The following QDPR variants were observed in gnomAD, a reference collection of about 807,000 sequenced individuals.
The protein encoded by QDPR is dihydropteridine reductase.
In QDPR, 23 loss-of-function variants were observed where a neutral mutation model predicts 31.7. The ratio of observed to expected loss-of-function variants is 0.73; its 90% CI spans 0.52 to 1.03. QDPR has a LOEUF of 1.03. Ranked by LOEUF, QDPR falls within the 50% of genes least tolerant of loss-of-function variation. The pLI is 0.00. For missense variants in QDPR, 324 were observed against 323.8 expected, an observed-to-expected ratio of 1.00 and a Z score of 0.00; for synonymous variants, 124 against 124.7, an observed-to-expected ratio of 0.99 and a Z score of 0.03.
At chr4:17,502,083 C>T (rs534719384) in intron 3 of QDPR, among the ~76,000 whole-genome samples, 3 of 152,174 alleles carry the variant, frequency 2.0e-5, no homozygotes, top group Non-Finnish European at 4.4e-5. Flanking sequence ...TATACACTGG[C>T]AAAATGTTGG....
At chr4:17,492,902 G>T (rs1019277133) in intron 4 of QDPR, among the ~76,000 whole-genome samples, 1 of 152,124 alleles carries the variant, frequency 6.6e-6, no homozygotes, top group Non-Finnish European at 1.5e-5. Context: ...AAATGCTTGT[G>T]AGCACCTGGC....
intron 5 of QDPR, among the ~76,000 whole-genome samples, chr4:17,491,679 G>C (rs73234954): frequency 0.22 from 33,536 of 152,132 alleles, 4,326 homozygotes; most frequent in Non-Finnish European, 0.29. Flanking sequence ...AGGCAAAAAA[G>C]ACAGACCCAT....
intron 5 of QDPR, among the ~76,000 whole-genome samples, chr4:17,491,239 A>T (rs1297119098): frequency 6.6e-6 from 1 of 152,256 alleles, no homozygotes; most frequent in Admixed American, 6.5e-5. Context: ...GATATGCATG[A>T]ATCTCCCAAG....
At chr4:17,488,133 T>C (rs1718033023) in intron 6 of QDPR, among the ~76,000 whole-genome samples, 1 of 151,992 alleles carries the variant, frequency 6.6e-6, no homozygotes, top group Admixed American at 6.5e-5. Flanking sequence ...GCATGGCACA[T>C]GCCTGTAGTC....
chr4:17,499,300 A>G (rs1454624613), intron 4 of QDPR, among the ~76,000 whole-genome samples: 1 of 152,232 alleles, frequency 6.6e-6, no homozygotes, highest in Non-Finnish European at 1.5e-5. Context: ...ACCACTACCC[A>G]AAATGTAATC....
Position 17,487,120 on chromosome 4 carries a change from T to G in QDPR, c.*11A>C. On this transcript the variant is annotated 3_prime_UTR_variant, in exon 7 of 7. Coordinates refer to ENST00000281243, the MANE Select transcript of QDPR (RefSeq NM_000320.3). Reference sequence around the variant, plus strand: ...TTTCTGGCAGGCCCCTCATAGGCACTGAGATGAGGCCTAAAAATATGCTGG... The same window carrying G: ...TTTCTGGCAGGCCCCTCATAGGCACGGAGATGAGGCCTAAAAATATGCTGG... 1.2e-6 allele frequency: 2 copies of G among 1,605,412 alleles called. No homozygotes were observed. Among genetic ancestry groups the G allele is most frequent in the Non-Finnish European group, 1.7e-6 (2 of 1,172,304 alleles).
rs183275858 is a variant in QDPR at position 17,506,866 on chromosome 4, T to A, written c.199-2391A>T. On this transcript the variant is annotated intron_variant, in intron 2 of 6. Transcript: ENST00000281243. ...TTTTACATTCCAATCTATGTCAAAC[T>A]GACACTTTAGAAAGAGCAAATGAGT... is the stretch of plus-strand genomic sequence containing the variant. 1.6e-3 allele frequency among the ~76,000 whole-genome samples: 251 copies of A among 152,334 alleles called. 2 individuals are homozygous for A. The highest frequency in any genetic ancestry group is 3.0e-3 in the Non-Finnish European group (203 of 68,030).
At chr4:17,508,631 T>C (rs1358147828) in intron 2 of QDPR, among the ~76,000 whole-genome samples, 1 of 96,822 alleles carries the variant, frequency 1.0e-5, no homozygotes, top group African/African-American at 4.5e-5. Context: ...ATTATTTAAG[T>C]ATAAAAAAAA....
At position 17,490,667 on chromosome 4, in the gene QDPR, T is replaced by A; in HGVS notation, c.624A>T (p.Leu208=). The change falls in exon 6 of 7, where the codon CTA becomes CTT. Residue 208 remains leucine (L), a synonymous_variant. Coordinates refer to ENST00000281243, the MANE Select transcript of QDPR (RefSeq NM_000320.3). ...DFSSWTPLEF[L]VETFHDWITG... ...GACATGTCTGTAATACTCACTCAACTAGGAATTCTAAGGGTGTCCAGGAGC... is the reference window on the plus strand; with the variant it reads ...GACATGTCTGTAATACTCACTCAACAAGGAATTCTAAGGGTGTCCAGGAGC... 2 of 1,612,626 alleles carry A rather than the reference T, an allele frequency of 1.2e-6. No homozygotes were observed. Among genetic ancestry groups the A allele is most frequent in the Non-Finnish European group, 1.7e-6 (2 of 1,178,662 alleles).
chr4:17,492,561 T>C (rs1718207646), intron 4 of QDPR: 1 of 580,390 alleles, frequency 1.7e-6, no homozygotes, highest in Non-Finnish European at 3.1e-6. Context: ...TTATGGCCTC[T>C]GGCCAGTTTC....
chr4:17,509,201 G>T, intron 2 of QDPR, 70 bp downstream of exon 2: 1 of 1,170,736 alleles, frequency 8.5e-7, no homozygotes, highest in Non-Finnish European at 1.3e-6. Flanking sequence ...GCCAAAGGAA[G>T]AACATACAGC....
chr4:17,504,119 G>GCA (rs1232881252), intron 3 of QDPR, among the ~76,000 whole-genome samples: 2 of 152,112 alleles, frequency 1.3e-5, no homozygotes, highest in Non-Finnish European at 2.9e-5. Flanking sequence ...ATGGCCTGGG[G>GCA]CACAGGCCAT....
At chr4:17,488,174 T>C (rs976768946) in intron 6 of QDPR, among the ~76,000 whole-genome samples, 1 of 151,982 alleles carries the variant, frequency 6.6e-6, no homozygotes, top group Admixed American at 6.6e-5. Flanking sequence ...GGTGGGATGA[T>C]TGCTTGAGCC....
intron 4 of QDPR, among the ~76,000 whole-genome samples, chr4:17,499,793 G>C (rs28449900): frequency 0.036 from 5,534 of 152,188 alleles, 350 homozygotes; most frequent in African/African-American, 0.13. Context: ...GGCAGTGTGT[G>C]TCTGCAGTCC....
Position 17,492,236 on chromosome 4 carries a change from G to A in QDPR, c.541C>T (p.Leu181Phe). The A allele has an allele frequency of 6.2e-7, 1 of 1,613,666 alleles. No individual in the cohort carries two copies. ...MPPGAAAIAV[L>F]PVTLDTPMNR... ...CAGGGAACCCCAAGCACTTACGGGA[G>A]CACAGCGATGGCGGCTGCCCCGGGC... is the stretch of plus-strand genomic sequence containing the variant. Residue 181 changes from leucine to phenylalanine, a missense_variant, in exon 5 of 7, where the codon CTC becomes TTC. By Grantham distance (22) the Leu-to-Phe change is conservative. Coordinates refer to ENST00000281243, the MANE Select transcript of QDPR (RefSeq NM_000320.3).
At chr4:17,501,502 G>A (rs576476364) in intron 4 of QDPR, among the ~76,000 whole-genome samples, 131 of 152,010 alleles carry the variant, frequency 8.6e-4, no homozygotes, top group Middle Eastern at 3.4e-3. Context: ...AGATCATAGC[G>A]TTCCTTACCA....
chr4:17,487,322 TG>T, intron 6 of QDPR, 86 bp from the exon 7 acceptor site: 8 of 646,390 alleles, frequency 1.2e-5, no homozygotes, highest in Non-Finnish European at 1.3e-5. Flanking sequence ...GCTTGTGGGG[TG>T]GGGGGAAGGG....
intron 2 of QDPR, among the ~76,000 whole-genome samples, chr4:17,506,205 T>C (rs1047138772): frequency 3.3e-5 from 5 of 152,088 alleles, no homozygotes; most frequent in African/African-American, 9.7e-5. Context: ...TCTCGGCTCA[T>C]TGCAACCTCT....
At chr4:17,496,442 C>CAAAAAAAAAAAAAAAAAAAAAAAAAAAA (rs747311750) in intron 4 of QDPR, among the ~76,000 whole-genome samples, 2 of 64,608 alleles carry the variant, frequency 3.1e-5, no homozygotes, top group South Asian at 9.3e-4. Context: ...AAAACTGTCT[C>CAAAAAAAAAAAAAAAAAAAAAAAAAAAA]AAAAAAAAAA....
Sources: allele counts gnomAD v4.1 joint callset (sites outside exome capture counted in the v4.1 genomes callset), GRCh38; gene constraint gnomAD v4.1.1; transcripts MANE v1.5; gene names NCBI Gene and HGNC (gene_info 2026-07-23, HGNC 2026-07-21).